Variants in ULK4 observed in about 807,000 individuals in gnomAD.
ULK4 encodes inactive serine/threonine-protein kinase ULK4.
In ULK4, 133 loss-of-function variants were observed where a neutral mutation model predicts 160.6. The observed-to-expected ratio is 0.83, with a 90% confidence interval of 0.72 to 0.96. The LOEUF (loss-of-function observed/expected upper bound fraction) is 0.96, where lower values mean the gene tolerates loss of function less well. Ranked by LOEUF, ULK4 falls within the 40% of genes least tolerant of loss-of-function variation. ULK4 has a pLI of 0.00. For synonymous variants in ULK4, 534 were observed against 539.8 expected, an observed-to-expected ratio of 0.99 and a Z score of 0.15; for missense variants, 1,580 against 1,499.5, an observed-to-expected ratio of 1.05 and a Z score of -0.89.
At chr3:41,820,348 AAC>A (rs769361762) in intron 18 of ULK4, among the ~76,000 whole-genome samples, 8 of 152,102 alleles carry the variant, frequency 5.3e-5, no homozygotes, top group Non-Finnish European at 1.2e-4. Context: ...TTCTACCAAA[AAC>A]ACACACACAC....
chr3:41,907,720 A>G lies in ULK4; in HGVS notation c.1182+125T>C, dbSNP rs1030329874. ...AGAGTACTTACAAGAAAAACCTATA[A>G]TGATCAGCAAAGATGACCTTATTGT... On this transcript the variant is annotated intron_variant, in intron 12 of 36. Transcript: ENST00000301831. 33 of 529,630 alleles carry G rather than the reference A, an allele frequency of 6.2e-5. No individual in the cohort carries two copies. In the East Asian group the frequency reaches 7.3e-4, roughly 12 times the overall value. The allele number at this position is 529,630 out of a possible 1,614,324, so 32.8% of individuals were successfully genotyped here.
intron 32 of ULK4, among the ~76,000 whole-genome samples, chr3:41,511,849 C>T (rs576492028): frequency 2.2e-4 from 34 of 152,158 alleles, no homozygotes; most frequent in African/African-American, 7.9e-4. Context: ...GAAAACTACA[C>T]ACCAATATCC....
At position 41,954,676 on chromosome 3, in the gene ULK4, A is replaced by AT. The variant is rs753383268; in HGVS notation, c.83dup (p.Asn28LysfsTer9). On this transcript the variant is annotated frameshift_variant, in exon 2 of 37. Transcript: ENST00000301831. LOFTEE classifies it high-confidence loss of function. ...TATCAGTACAAAGAATGGCTACAAA[A>AT]TTGATTGTTCCCTTCCGTCGCCCTT... 1.2e-5 allele frequency: 20 copies of AT among 1,613,934 alleles called. No homozygotes were observed. Among genetic ancestry groups the AT allele is most frequent in the Non-Finnish European group, 1.5e-5 (18 of 1,179,954 alleles).
chr3:41,845,005 G>A (rs2042033603), intron 17 of ULK4, among the ~76,000 whole-genome samples: 1 of 146,892 alleles, frequency 6.8e-6, no homozygotes, highest in African/African-American at 2.5e-5. Flanking sequence ...TCGCCCTGTT[G>A]CCCAGGCTGG....
intron 31 of ULK4, among the ~76,000 whole-genome samples, chr3:41,596,274 GAGATATAGTC>G (rs958297469): frequency 3.3e-5 from 5 of 152,196 alleles, no homozygotes; most frequent in African/African-American, 1.2e-4. Context: ...ATTTCCAGCT[GAGATATAGTC>G]AGGTCATTTA....
intron 35 of ULK4, among the ~76,000 whole-genome samples, chr3:41,288,177 T>C (rs1218962967): frequency 6.6e-6 from 1 of 152,216 alleles, no homozygotes; most frequent in Non-Finnish European, 1.5e-5. Flanking sequence ...ACAAAAAAAT[T>C]TGAAATACAG....
chr3:41,296,477 G>A (rs908846888), intron 35 of ULK4, among the ~76,000 whole-genome samples: 1 of 152,142 alleles, frequency 6.6e-6, no homozygotes, highest in East Asian at 1.9e-4. Context: ...CCTGGCCGAT[G>A]CTGGGGTCAG....
Position 41,931,982 on chromosome 3 carries a change from G to C in ULK4, c.403C>G (p.Leu135Val). The C allele has an allele frequency of 1.2e-6, 2 of 1,613,524 alleles. No individual in the cohort carries two copies. The highest frequency in any genetic ancestry group is 1.7e-6 in the Non-Finnish European group (2 of 1,179,854). Residue 135 changes from leucine to valine, a missense_variant, in exon 5 of 37, where the codon CTG (leucine) becomes GTG (valine). Leu to Val is a conservative substitution (Grantham distance 32). Transcript: ENST00000301831. ...RKILLEGPGT[L>V]KFSNFCLAKV... Reference sequence around the variant, plus strand: ...GCCAAGCAAAAGTTGCTAAACTTCAGTGTGCCAGGCCCTTCCAAGAGTATC... The same window carrying C: ...GCCAAGCAAAAGTTGCTAAACTTCACTGTGCCAGGCCCTTCCAAGAGTATC...
chr3:41,590,115 G>A (rs939750333), intron 31 of ULK4, among the ~76,000 whole-genome samples: 1 of 151,640 alleles, frequency 6.6e-6, no homozygotes, highest in Non-Finnish European at 1.5e-5. Context: ...CCATTCTCCT[G>A]CCTCAGCCAC....
chr3:41,645,924 T>C (rs1349676923), intron 30 of ULK4, among the ~76,000 whole-genome samples: 1 of 152,236 alleles, frequency 6.6e-6, no homozygotes, highest in African/African-American at 2.4e-5. Context: ...TCTTGTTGAA[T>C]TGATCCCTTT....
chr3:41,675,748 G>C (rs2035691063), intron 29 of ULK4, among the ~76,000 whole-genome samples: 1 of 152,126 alleles, frequency 6.6e-6, no homozygotes, highest in Non-Finnish European at 1.5e-5. Context: ...AGCACAAATT[G>C]GAGTGATACC....
intron 17 of ULK4, among the ~76,000 whole-genome samples, chr3:41,874,544 T>C (rs890882718): frequency 3.9e-5 from 6 of 152,352 alleles, no homozygotes; most frequent in African/African-American, 1.2e-4. Context: ...GGACATAGAA[T>C]GTAAAATAAA....
Position 41,353,948 on chromosome 3 carries a change from A to G in ULK4, c.3678+44131T>C, listed in dbSNP as rs116610931. ...TCATAGACAATTCAATGCAAATCAC[A>G]AAGGTGGCCTGCTACCTAGTGTCTC... On this transcript the variant is annotated intron_variant, in intron 35 of 36. Transcript: ENST00000301831. Among the ~76,000 whole-genome samples, 72 of 152,264 alleles carry G rather than the reference A, an allele frequency of 4.7e-4. 1 individual carries two copies. The highest frequency in any genetic ancestry group is 1.7e-3 in the African/African-American group (71 of 41,552).
chr3:41,480,772 G>C (rs1412018185), intron 32 of ULK4, among the ~76,000 whole-genome samples: 2 of 152,158 alleles, frequency 1.3e-5, no homozygotes, highest in African/African-American at 4.8e-5. Context: ...GGAGGCCTCA[G>C]GAAATGTACA....
intron 32 of ULK4, among the ~76,000 whole-genome samples, chr3:41,555,579 T>A (rs1575406744): frequency 6.6e-6 from 1 of 152,190 alleles, no homozygotes; most frequent in South Asian, 2.1e-4. Context: ...GGTGGGAGTG[T>A]AAATGAATTC....
At chr3:41,321,427 T>C (rs1325145671) in intron 35 of ULK4, among the ~76,000 whole-genome samples, 1 of 152,156 alleles carries the variant, frequency 6.6e-6, no homozygotes. Flanking sequence ...TTACTTGTGT[T>C]GTCGTGGATG....
intron 20 of ULK4, among the ~76,000 whole-genome samples, chr3:41,795,196 A>G (rs896872665): frequency 6.6e-6 from 1 of 152,228 alleles, no homozygotes; most frequent in Non-Finnish European, 1.5e-5. Flanking sequence ...TTCCAAATGC[A>G]TATACTCAGT....
chr3:41,366,548 TACAC>T (rs148305509), intron 35 of ULK4, among the ~76,000 whole-genome samples: 29 of 148,778 alleles, frequency 1.9e-4, no homozygotes, highest in East Asian at 1.2e-3. Flanking sequence ...AAAATATGGC[TACAC>T]ACACACACAC....
chr3:41,297,401 A>C (rs2079691164), intron 35 of ULK4, among the ~76,000 whole-genome samples: 1 of 152,244 alleles, frequency 6.6e-6, no homozygotes, highest in South Asian at 2.1e-4. Flanking sequence ...TGAGGATCCC[A>C]TGAAGCATTC....
Sources: gnomAD v4.1 joint callset for allele counts (sites outside exome capture counted in the v4.1 genomes callset) on GRCh38, gnomAD v4.1.1 for gene constraint, MANE v1.5 for transcripts, NCBI Gene and HGNC (gene_info 2026-07-23, HGNC 2026-07-21) for gene names.